The following DPP6 variants were observed in gnomAD, a reference collection of about 807,000 sequenced individuals.
DPP6 encodes the protein dipeptidyl peptidase like 6.
In DPP6, 69 loss-of-function variants were observed where a neutral mutation model predicts 122.6. That is an observed-to-expected ratio of 0.56 (90% confidence interval 0.46 to 0.69). The LOEUF (loss-of-function observed/expected upper bound fraction) is 0.69. Ranked by LOEUF, DPP6 falls within the 30% of genes least tolerant of loss-of-function variation. The probability of loss-of-function intolerance (pLI) is 0.00; values close to 1 mark genes in which losing one functional copy is unlikely to be tolerated. For missense variants in DPP6, 928 were observed against 1,116.9 expected (o/e 0.83, Z 2.41); for synonymous variants, 418 against 433.1 (o/e 0.97, Z 0.43).
chr7:154,036,705 TTTC>T, intron 1 of DPP6, among the ~76,000 whole-genome samples: 1 of 151,920 alleles, frequency 6.6e-6, no homozygotes, highest in South Asian at 2.1e-4. Context: ...AAGGGGTATT[TTTC>T]TTCTAGGAAG....
At chr7:154,092,491 G>A (rs1421264880) in intron 1 of DPP6, 1 of 147,676 alleles carries the variant, frequency 6.8e-6, no homozygotes, top group African/African-American at 2.5e-5. Context: ...GCCTGTTATG[G>A]CCTTTACATT....
intron 3 of DPP6, among the ~76,000 whole-genome samples, chr7:154,512,723 G>A (rs1826187600): frequency 6.6e-6 from 1 of 152,154 alleles, no homozygotes; most frequent in Non-Finnish European, 1.5e-5. Context: ...TCTTAGGGAT[G>A]GCAAGTTCTT....
chr7:153,966,676 A>G lies in DPP6; in HGVS notation c.51+78942A>G, dbSNP rs552009825. Among the ~76,000 whole-genome samples the G allele has an allele frequency of 6.7e-5, 10 of 148,810 alleles. 1 individual carries two copies. The highest frequency in any genetic ancestry group is 2.5e-4 in the African/African-American group (10 of 40,118). ...GTGCAGGTTTGTTACATATGTATAC[A>G]TGTGTTGGCTTTTTAAGGATGTGAG... On this transcript the variant is annotated intron_variant, in intron 1 of 25. Transcript: ENST00000404039.
intron 6 of DPP6, among the ~76,000 whole-genome samples, chr7:154,653,395 G>A (rs1253937720): frequency 6.6e-6 from 1 of 152,162 alleles, no homozygotes; most frequent in Non-Finnish European, 1.5e-5. Flanking sequence ...ATGATAGATA[G>A]ATGATAGATA....
chr7:154,885,837 C>T lies in DPP6; in HGVS notation c.2245+93C>T, dbSNP rs1806107860. On this transcript the variant is annotated intron_variant, in intron 22 of 25. Transcript: ENST00000377770. ...CCCCACAGCCCTCCCTTCAGCACCA[C>T]CGTCCCGCTAACCACAGGTGCCTCC... 12 of 1,501,302 alleles carry T rather than the reference C, an allele frequency of 8.0e-6. No individual in the cohort carries two copies. In the East Asian group the frequency reaches 3.0e-4, roughly 37 times the overall value. 93.0% of individuals were successfully genotyped at this position (1,501,302 alleles called of 1,614,324 possible).
At chr7:154,791,892 G>T (rs1797704904) in intron 10 of DPP6, among the ~76,000 whole-genome samples, 2 of 152,186 alleles carry the variant, frequency 1.3e-5, no homozygotes, top group Non-Finnish European at 2.9e-5. Flanking sequence ...GAGAAAGTTT[G>T]CATCCATCTC....
At chr7:153,936,872 A>G (rs1801471731) in intron 1 of DPP6, among the ~76,000 whole-genome samples, 1 of 152,074 alleles carries the variant, frequency 6.6e-6, no homozygotes, top group African/African-American at 2.4e-5. Flanking sequence ...CTCCAGAGCC[A>G]GGGATGGTAC....
chr7:153,851,274 A>G, the DPP6 span, among the ~76,000 whole-genome samples: 7 of 152,226 alleles, frequency 4.6e-5, no homozygotes, highest in Admixed American at 3.9e-4. Context: ...CCTTAAAACT[A>G]CATTTTACTA....
At chr7:154,678,004 G>A (rs544288923) in intron 7 of DPP6, among the ~76,000 whole-genome samples, 1 of 152,188 alleles carries the variant, frequency 6.6e-6, no homozygotes, top group Non-Finnish European at 1.5e-5. Flanking sequence ...GCAGGGATCA[G>A]CACTCTGTAA....
intron 1 of DPP6, among the ~76,000 whole-genome samples, chr7:154,029,441 T>C (rs533928302): frequency 3.8e-4 from 55 of 143,346 alleles, no homozygotes; most frequent in East Asian, 2.2e-3. Context: ...GGCGTGAACC[T>C]GGGAGGCAGA....
At chr7:154,419,924 G>T (rs541478224) in intron 1 of DPP6, among the ~76,000 whole-genome samples, 1 of 152,180 alleles carries the variant, frequency 6.6e-6, no homozygotes, top group East Asian at 1.9e-4. Flanking sequence ...CACGGCAGCC[G>T]AGGTGTGGAA....
chr7:154,537,713 GAAAGAAGGAAGGAAGA>G (rs1379089547), intron 3 of DPP6, among the ~76,000 whole-genome samples: 105 of 141,444 alleles, frequency 7.4e-4, no homozygotes, highest in African/African-American at 3.0e-3. Context: ...AGAAAGGAAG[GAAAGAAGGAAGGAAGA>G]AAGAAAGAAA....
intron 6 of DPP6, among the ~76,000 whole-genome samples, chr7:154,640,467 C>T (rs543939850): frequency 7.0e-4 from 107 of 152,082 alleles, no homozygotes; most frequent in Admixed American, 2.4e-3. Context: ...CTGAACACAG[C>T]GCCCCTGAAG....
intron 1 of DPP6, among the ~76,000 whole-genome samples, chr7:154,318,740 G>C (rs1807653064): frequency 6.6e-6 from 1 of 152,190 alleles, no homozygotes; most frequent in Non-Finnish European, 1.5e-5. Context: ...GGCTCAGTAA[G>C]TAGAGTGTAG....
intron 1 of DPP6, among the ~76,000 whole-genome samples, chr7:154,153,852 G>T (rs3111959): frequency 6.3e-4 from 94 of 149,954 alleles, no homozygotes; most frequent in African/African-American, 2.1e-3. Flanking sequence ...TTTGCTGACT[G>T]CCGCCATTGT....
chr7:154,160,800 G>C (rs537340382), intron 1 of DPP6, among the ~76,000 whole-genome samples: 1 of 152,126 alleles, frequency 6.6e-6, no homozygotes, highest in Admixed American at 6.5e-5. Context: ...AACCTACCTC[G>C]TTCTGTCACC....
the DPP6 span, among the ~76,000 whole-genome samples, chr7:153,817,280 A>G: frequency 6.8e-6 from 1 of 147,630 alleles, no homozygotes; most frequent in Admixed American, 6.7e-5. Flanking sequence ...CATTGTACAA[A>G]TCATAAGTTT....
At chr7:154,383,460 G>A (rs1180755770) in intron 1 of DPP6, among the ~76,000 whole-genome samples, 3 of 152,124 alleles carry the variant, frequency 2.0e-5, no homozygotes, top group Non-Finnish European at 4.4e-5. Flanking sequence ...TCACCGTCGA[G>A]GGCATGTTGA....
intron 1 of DPP6, among the ~76,000 whole-genome samples, chr7:154,060,103 A>G (rs1269365938): frequency 2.2e-5 from 3 of 138,308 alleles, no homozygotes; most frequent in Non-Finnish European, 3.2e-5. Context: ...GGGGGAGGCA[A>G]TCCTCCCGAG....
Sources: gnomAD v4.1 joint callset for allele counts (sites outside exome capture counted in the v4.1 genomes callset) on GRCh38, gnomAD v4.1.1 for gene constraint, MANE v1.5 for transcripts, NCBI Gene and HGNC (gene_info 2026-07-23, HGNC 2026-07-21) for gene names.